Variants in ILDR2 observed in about 807,000 individuals in gnomAD.
The protein encoded by ILDR2 is immunoglobulin like domain containing receptor 2, also known as immunoglobulin-like domain-containing receptor 2.
In ILDR2, 25 loss-of-function variants were observed where a neutral mutation model predicts 66.8. That is an observed-to-expected ratio of 0.37 (90% CI 0.27 to 0.52). The LOEUF is 0.52. Among genes scored for constraint, ILDR2 ranks in the 20% least tolerant of loss-of-function variants. The pLI is 0.88. For synonymous variants in ILDR2, 367 were observed against 357.2 expected, an observed-to-expected ratio of 1.03 and a Z score of -0.31; for missense variants, 827 against 876.8, an observed-to-expected ratio of 0.94 and a Z score of 0.72.
chr1:166,901,143 C>T (rs542170770), intron 2 of ILDR2, among the ~76,000 whole-genome samples: 1 of 152,178 alleles, frequency 6.6e-6, no homozygotes, highest in Non-Finnish European at 1.5e-5. Flanking sequence ...TCTGTGGCTA[C>T]AAGGGGCTCA....
At chr1:166,943,288 C>T (rs997206871) in intron 3 of ILDR2, among the ~76,000 whole-genome samples, 2 of 151,890 alleles carry the variant, frequency 1.3e-5, no homozygotes, top group Admixed American at 1.3e-4. Context: ...TTCAGGAGAT[C>T]GATACCATCC....
chr1:166,939,644 A>G, intron 3 of ILDR2, 74 bp from the exon 4 acceptor site: 1 of 1,303,222 alleles, frequency 7.7e-7, no homozygotes, highest in Non-Finnish European at 1.1e-6. Flanking sequence ...GCCTGGCTCC[A>G]GTTGGTACCA....
intron 3 of ILDR2, among the ~76,000 whole-genome samples, chr1:166,944,594 C>G (rs1661507261): frequency 6.6e-6 from 1 of 152,198 alleles, no homozygotes. Flanking sequence ...CATTTCACAA[C>G]AAATTATGTC....
chr1:166,896,545 G>GATAT (rs3076028), intron 2 of ILDR2, among the ~76,000 whole-genome samples: 1,902 of 146,414 alleles, frequency 0.013, 23 homozygotes, highest in African/African-American at 0.023. Flanking sequence ...AATGGAAACA[G>GATAT]ATATATATAT....
In ILDR2 at chr1:166,919,348, GACA is replaced by G; in HGVS notation, c.*4_*6del. On this transcript the variant is annotated 3_prime_UTR_variant, in exon 10 of 10. Transcript: ENST00000271417. ...ATTTCTCATTATCCAGAGAAATGTT[GACA>G]ACATCAGACCACAAGGGACATCCTG... 1 of 1,612,048 alleles carries G rather than the reference GACA, an allele frequency of 6.2e-7. No homozygotes were observed. Among genetic ancestry groups the G allele is most frequent in the East Asian group, 2.2e-5 (1 of 44,838 alleles).
chr1:166,935,838 A>G (rs1660943075), intron 5 of ILDR2, among the ~76,000 whole-genome samples: 1 of 152,188 alleles, frequency 6.6e-6, no homozygotes, highest in African/African-American at 2.4e-5. Context: ...TAGCACAGGG[A>G]CTGCCCAGGG....
intron 3 of ILDR2, among the ~76,000 whole-genome samples, chr1:166,952,277 C>G (rs1330475494): frequency 6.6e-6 from 1 of 152,126 alleles, no homozygotes. Flanking sequence ...TCTTGGATGG[C>G]AGATTTCTAG....
intron 6 of ILDR2, among the ~76,000 whole-genome samples, chr1:166,933,803 A>C (rs926265): frequency 0.79 from 120,411 of 152,160 alleles, 47,983 homozygotes; most frequent in East Asian, 0.86. Flanking sequence ...TTCTCTAATT[A>C]TCTGTGTGTC....
downstream of ILDR2, among the ~76,000 whole-genome samples, chr1:166,907,427 T>C (rs895740020): frequency 1.3e-5 from 2 of 152,202 alleles, no homozygotes; most frequent in African/African-American, 4.8e-5. Flanking sequence ...TATTTACGTC[T>C]CAGGAATCGC....
Position 166,949,186 on chromosome 1 carries a change from TC to T in ILDR2, c.499+7546del, listed in dbSNP as rs769140582. On this transcript the variant is annotated intron_variant, in intron 3 of 9. Transcript: ENST00000271417. ...GCATATTGTAGAATGCTTAGCAGCC[TC>T]CCTAGTCTCTACCCACTAGATGCCA... is the stretch of plus-strand genomic sequence containing the variant. Among the ~76,000 whole-genome samples the T allele has an allele frequency of 5.3e-5, 8 of 152,372 alleles. No homozygotes were observed. The East Asian group carries it at 1.2e-3, about 22-fold the overall frequency.
At chr1:166,933,786 T>C (rs1660777548) in intron 6 of ILDR2, among the ~76,000 whole-genome samples, 1 of 152,212 alleles carries the variant, frequency 6.6e-6, no homozygotes, top group Non-Finnish European at 1.5e-5. Context: ...GACTACATCG[T>C]CTTTATTTCT....
rs1488109997 is a variant in ILDR2, at chr1:166,912,497, A to G, written c.*6858T>C. ...TATTTTATAAAGCTGAAAAACCTAAATGGAATTAAAACACAAAATAATACA... is the reference window on the plus strand; with the variant it reads ...TATTTTATAAAGCTGAAAAACCTAAGTGGAATTAAAACACAAAATAATACA... On this transcript the variant is annotated 3_prime_UTR_variant, in exon 10 of 10. Transcript: ENST00000271417. 6.6e-6 allele frequency: 1 copy of G among 152,228 alleles called. No homozygotes were observed. The highest frequency in any genetic ancestry group is 2.4e-5 in the African/African-American group (1 of 41,468). 9.4% of individuals were successfully genotyped at this position (152,228 alleles called of 1,614,324 possible).
intron 3 of ILDR2, among the ~76,000 whole-genome samples, chr1:166,943,024 C>T (rs1032383700): frequency 3.3e-5 from 5 of 152,208 alleles, no homozygotes; most frequent in African/African-American, 7.2e-5. Flanking sequence ...TCTGATGCTT[C>T]AGAAGGTGAA....
chr1:166,920,747 T>C lies in ILDR2; in HGVS notation c.1844A>G (p.Asn615Ser). The change falls in exon 9 of 10, where the codon AAC becomes AGC. Residue 615 changes from asparagine to serine, a missense_variant. Physicochemically the swap from Asn to Ser is conservative, Grantham distance 46. Around this residue, in one of 2 missense-constraint regions of ILDR2, gnomAD observed 390 missense variants for 353.6 expected, o/e 1.10. Transcript: ENST00000271417. ...YRGRDLPYHS[N>S]SEKKRKKEPA... ...CTCCTTTTTCCTCTTCTTCTCCGAG[T>C]TGCTGTGGTAGGGCAGGTCGCGGCC... 1 of 1,462,266 alleles carries C rather than the reference T, an allele frequency of 6.8e-7. No individual in the cohort carries two copies. The highest frequency in any genetic ancestry group is 9.0e-7 in the Non-Finnish European group (1 of 1,105,114). The allele number at this position is 1,462,266 out of a possible 1,614,324, so 90.6% of individuals were successfully genotyped here.
At chr1:166,961,417 A>G (rs915238204) in intron 1 of ILDR2, among the ~76,000 whole-genome samples, 1 of 152,210 alleles carries the variant, frequency 6.6e-6, no homozygotes, top group African/African-American at 2.4e-5. Context: ...TGACATAAAC[A>G]TAAACTCATG....
intron 1 of ILDR2, among the ~76,000 whole-genome samples, chr1:166,965,733 C>A (rs1662912315): frequency 7.3e-6 from 1 of 136,186 alleles, no homozygotes; most frequent in Non-Finnish European, 1.6e-5. Flanking sequence ...CCACCATGCC[C>A]AGCTAATTTT....
rs1240610083 is a variant in ILDR2, at chr1:166,911,557, A to C, written c.*7798T>G. ...GAGTGAAAGTTAGCAGAAGTAACAA[A>C]CTCTAAAAGTAGACCCACAAAGACT... On this transcript the variant is annotated 3_prime_UTR_variant, in exon 10 of 10. Coordinates refer to ENST00000271417, the MANE Select transcript of ILDR2 (RefSeq NM_199351.3). The C allele has an allele frequency of 2.0e-5, 3 of 152,128 alleles. No homozygotes were observed. The highest frequency in any genetic ancestry group is 4.4e-5 in the Non-Finnish European group (3 of 68,022). 9.4% of individuals were successfully genotyped at this position (152,128 alleles called of 1,614,324 possible).
intron 2 of ILDR2, among the ~76,000 whole-genome samples, chr1:166,957,556 T>A (rs1437581396): frequency 6.6e-6 from 1 of 152,180 alleles, no homozygotes; most frequent in Non-Finnish European, 1.5e-5. Context: ...CATCTGTATG[T>A]CTTCAGGAGA....
At chr1:166,931,640 G>T (rs1283311122) in intron 6 of ILDR2, among the ~76,000 whole-genome samples, 1 of 152,162 alleles carries the variant, frequency 6.6e-6, no homozygotes, top group Non-Finnish European at 1.5e-5. Context: ...AAGGTGGGAG[G>T]TAATGGCAGC....
Sources: allele counts gnomAD v4.1 joint callset (sites outside exome capture counted in the v4.1 genomes callset), GRCh38; gene constraint gnomAD v4.1.1; regional missense constraint gnomAD v4.1.1; transcripts MANE v1.5; gene names NCBI Gene and HGNC (gene_info 2026-07-23, HGNC 2026-07-21).